The following SLC25A12 variants were observed in gnomAD, a reference collection of about 807,000 sequenced individuals.
SLC25A12 encodes the protein solute carrier family 25 member 12.
A neutral mutation model predicts 83.3 loss-of-function variants in SLC25A12; 32 were observed. The ratio of observed to expected loss-of-function variants is 0.38; its 90% CI spans 0.29 to 0.52. SLC25A12 has a LOEUF of 0.52. Ranked by LOEUF, SLC25A12 falls within the 20% of genes least tolerant of loss-of-function variation. SLC25A12 has a pLI of 0.84. For missense variants in SLC25A12, 611 were observed against 835.6 expected, an observed-to-expected ratio of 0.73 and a Z score of 3.31; for synonymous variants, 267 against 291.1, an observed-to-expected ratio of 0.92 and a Z score of 0.84.
intron 7 of SLC25A12, 39 bp downstream of exon 7, chr2:171,834,688 A>T: frequency 6.2e-7 from 1 of 1,604,732 alleles, no homozygotes; most frequent in Non-Finnish European, 8.5e-7. Context: ...AAAAGTGAAA[A>T]TGCTGAGATT....
At chr2:171,848,916 G>A (rs545477131) in intron 4 of SLC25A12, among the ~76,000 whole-genome samples, 3 of 152,334 alleles carry the variant, frequency 2.0e-5, no homozygotes, top group Admixed American at 6.5e-5. Context: ...TCGGTTGGGC[G>A]TGGTGGCTCA....
chr2:171,875,417 A>G (rs1020147481), intron 2 of SLC25A12, among the ~76,000 whole-genome samples: 3 of 152,140 alleles, frequency 2.0e-5, no homozygotes, highest in Non-Finnish European at 1.5e-5. Context: ...AACCTGTACA[A>G]CTTGCAGTCA....
rs112034210 is a variant in SLC25A12 at position 171,805,399 on chromosome 2, C to T, written c.1305+4207G>A. On this transcript the variant is annotated intron_variant, in intron 13 of 17. Transcript: ENST00000422440. ...GTACTGGGATTACAGGCGTGAGCCA[C>T]CGCCCCCGGCCTAAAGGTGGTATTT... is the stretch of plus-strand genomic sequence containing the variant. 9.8e-3 allele frequency among the ~76,000 whole-genome samples: 1,486 copies of T among 152,236 alleles called. 20 individuals carry two copies. Among genetic ancestry groups the T allele is most frequent in the African/African-American group, 0.034 (1,402 of 41,534 alleles).
At chr2:171,824,322 A>G (rs1366522381) in intron 9 of SLC25A12, among the ~76,000 whole-genome samples, 1 of 152,222 alleles carries the variant, frequency 6.6e-6, no homozygotes, top group African/African-American at 2.4e-5. Flanking sequence ...ATGCAGACTC[A>G]GGGTGCCAAA....
intron 11 of SLC25A12, among the ~76,000 whole-genome samples, chr2:171,810,548 T>C (rs1420010055): frequency 2.0e-5 from 3 of 152,216 alleles, no homozygotes; most frequent in Non-Finnish European, 4.4e-5. Flanking sequence ...AAAAAGTCCA[T>C]GAAGAAGAAA....
At chr2:171,848,963 G>C (rs978796511) in intron 4 of SLC25A12, among the ~76,000 whole-genome samples, 5 of 152,018 alleles carry the variant, frequency 3.3e-5, no homozygotes. Context: ...GCCAAGGCAG[G>C]TGGATCACCT....
At chr2:171,802,762 C>A (rs143959789) in intron 13 of SLC25A12, among the ~76,000 whole-genome samples, 1 of 152,000 alleles carries the variant, frequency 6.6e-6, no homozygotes, top group Admixed American at 6.6e-5. Context: ...GGCGACAGTG[C>A]GAGACTCTGT....
At chr2:171,875,152 TC>T (rs1685537750) in intron 2 of SLC25A12, among the ~76,000 whole-genome samples, 1 of 152,146 alleles carries the variant, frequency 6.6e-6, no homozygotes, top group African/African-American at 2.4e-5. Flanking sequence ...TAGGTTGCTT[TC>T]CGCAACCAAT....
chr2:171,789,539 CTT>C (rs1372666490), intron 15 of SLC25A12, among the ~76,000 whole-genome samples: 2 of 152,154 alleles, frequency 1.3e-5, no homozygotes, highest in Admixed American at 6.5e-5. Context: ...CAGCCTGACT[CTT>C]GAGTTAGGAA....
chr2:171,827,934 C>T (rs926724000), intron 8 of SLC25A12, among the ~76,000 whole-genome samples: 4 of 152,200 alleles, frequency 2.6e-5, no homozygotes, highest in African/African-American at 7.2e-5. Flanking sequence ...GCTCCCTACA[C>T]TCCACAGAGG....
At chr2:171,835,962 T>C (rs1285165826) in intron 6 of SLC25A12, among the ~76,000 whole-genome samples, 1 of 152,184 alleles carries the variant, frequency 6.6e-6, no homozygotes, top group African/African-American at 2.4e-5. Flanking sequence ...ATTGAGGCTA[T>C]TATAGTAGGT....
chr2:171,783,892 G>A lies in SLC25A12; in HGVS notation c.*1382C>T, dbSNP rs1258086320. Among the ~76,000 whole-genome samples the A allele has an allele frequency of 6.6e-6, 1 of 152,198 alleles. No individual in the cohort carries two copies. The highest frequency in any genetic ancestry group is 1.9e-4 in the East Asian group (1 of 5,202). ...TCAGCCATCAATCGAGGAGCACTGTGCAGGATACTAAGTAACTTGGTCTGT... is the reference window on the plus strand; with the variant it reads ...TCAGCCATCAATCGAGGAGCACTGTACAGGATACTAAGTAACTTGGTCTGT... On this transcript the variant is annotated 3_prime_UTR_variant, in exon 18 of 18. Coordinates refer to ENST00000422440, the MANE Select transcript of SLC25A12 (RefSeq NM_003705.5).
chr2:171,807,133 A>T (rs957602750), intron 13 of SLC25A12, among the ~76,000 whole-genome samples: 7 of 152,216 alleles, frequency 4.6e-5, no homozygotes, highest in African/African-American at 1.7e-4. Context: ...CAATAATTGC[A>T]CTTTTTTCTT....
chr2:171,803,264 T>C (rs946669162), intron 13 of SLC25A12, among the ~76,000 whole-genome samples: 1 of 152,004 alleles, frequency 6.6e-6, no homozygotes, highest in Admixed American at 6.5e-5. Flanking sequence ...AAGGCATACA[T>C]CTTTCATGAT....
chr2:171,882,274 G>A (rs1558944246), intron 2 of SLC25A12, among the ~76,000 whole-genome samples: 1 of 152,228 alleles, frequency 6.6e-6, no homozygotes, highest in Non-Finnish European at 1.5e-5. Context: ...AATTTACACA[G>A]GTCATTCAAA....
At position 171,793,565 on chromosome 2, in the gene SLC25A12, G is replaced by A; in HGVS notation, c.1446+62C>T. On this transcript the variant is annotated intron_variant, in intron 14 of 17. Transcript: ENST00000422440. ...AGATTGCTTTTCAACTTGGAGGGAAGAAGTCTGGTTTCCACATTCTTTCAT... is the reference window on the plus strand; with the variant it reads ...AGATTGCTTTTCAACTTGGAGGGAAAAAGTCTGGTTTCCACATTCTTTCAT... 3 of 1,527,418 alleles carry A rather than the reference G, an allele frequency of 2.0e-6. No individual in the cohort carries two copies. In the South Asian group the frequency reaches 3.4e-5, roughly 17 times the overall value. The allele number at this position is 1,527,418 out of a possible 1,614,324, so 94.6% of individuals were successfully genotyped here. A position where few individuals can be genotyped will look rare whatever the true frequency, so the allele number is the denominator to read the frequency against.
chr2:171,830,606 C>T (rs541617075), intron 8 of SLC25A12, among the ~76,000 whole-genome samples: 8 of 152,210 alleles, frequency 5.3e-5, no homozygotes, highest in South Asian at 2.1e-4. Context: ...CTCCACCTCC[C>T]GGGTTCAAGC....
At chr2:171,860,823 T>A (rs1011518627) in intron 3 of SLC25A12, among the ~76,000 whole-genome samples, 3 of 152,172 alleles carry the variant, frequency 2.0e-5, no homozygotes, top group Admixed American at 2.0e-4. Context: ...GGCTCACGCC[T>A]GTAATCCCAG....
intron 2 of SLC25A12, among the ~76,000 whole-genome samples, chr2:171,889,301 C>A (rs1685884534): frequency 6.6e-6 from 1 of 152,192 alleles, no homozygotes; most frequent in East Asian, 1.9e-4. Flanking sequence ...TAACACCTAT[C>A]CTAAAACTGA....
Sources: gnomAD v4.1 joint callset for allele counts (sites outside exome capture counted in the v4.1 genomes callset) on GRCh38, gnomAD v4.1.1 for gene constraint, MANE v1.5 for transcripts, NCBI Gene and HGNC (gene_info 2026-07-23, HGNC 2026-07-21) for gene names.